The following C2orf92 variants were observed in gnomAD, a reference collection of about 807,000 sequenced individuals.
C2orf92 encodes the protein uncharacterized protein C2orf92.
upstream of C2orf92, chr2:97,666,761 T>C (rs1675243264): frequency 6.7e-6 from 1 of 149,266 alleles, no homozygotes; most frequent in African/African-American, 2.5e-5. Context: ...GAGGTTGGCT[T>C]GAGCCCGGGA....
At chr2:97,669,532 G>A, upstream of C2orf92, 1 of 355,656 alleles carries the variant, frequency 2.8e-6, no homozygotes, top group Non-Finnish European at 5.0e-6. Context: ...CTCAGGACAT[G>A]CAGGATGGAG....
upstream of C2orf92, chr2:97,665,918 C>T (rs1172287233): frequency 6.6e-6 from 1 of 151,728 alleles, no homozygotes; most frequent in Non-Finnish European, 1.5e-5. Flanking sequence ...GCTGGGACCA[C>T]AGGTGTGCAC....
chr2:97,667,430 GTTT>G (rs1203203673), upstream of C2orf92, among the ~76,000 whole-genome samples: 1 of 118,812 alleles, frequency 8.4e-6, no homozygotes, highest in Non-Finnish European at 1.8e-5. Flanking sequence ...GCCCAGCTAA[GTTT>G]TTTTTTTTTT....
intron 6 of C2orf92, 132 bp downstream of exon 6, chr2:97,699,268 T>C (rs891277918): frequency 3.6e-5 from 14 of 392,196 alleles, no homozygotes; most frequent in Non-Finnish European, 6.3e-5. Flanking sequence ...AAATCTGCAG[T>C]GAATACAACC....
intron 5 of C2orf92, chr2:97,691,046 G>T: frequency 6.6e-6 from 1 of 152,410 alleles, no homozygotes; most frequent in Non-Finnish European, 1.5e-5. Flanking sequence ...CAAAGTGCTG[G>T]GATTACAGGT....
At chr2:97,695,430 T>G (rs957689610) in intron 5 of C2orf92, among the ~76,000 whole-genome samples, 10 of 152,218 alleles carry the variant, frequency 6.6e-5, no homozygotes, top group African/African-American at 2.4e-4. Context: ...CTTGTGCTGG[T>G]TTTTTGCAAA....
intron 5 of C2orf92, among the ~76,000 whole-genome samples, chr2:97,693,693 C>T (rs1175841397): frequency 6.6e-6 from 1 of 152,032 alleles, no homozygotes; most frequent in Non-Finnish European, 1.5e-5. Flanking sequence ...TGGGCCTGGG[C>T]CCAGCTTTTT....
intron 5 of C2orf92, chr2:97,697,849 T>A (rs1458307848): frequency 1.3e-5 from 2 of 152,478 alleles, no homozygotes; most frequent in Middle Eastern, 3.4e-3. Flanking sequence ...TACCTCAGCC[T>A]TTCTAGTAGC....
upstream of C2orf92, chr2:97,666,990 T>A (rs1324795757): frequency 6.6e-6 from 1 of 152,160 alleles, no homozygotes; most frequent in Non-Finnish European, 1.5e-5. Context: ...AGGTGACCTC[T>A]ATCCTGAATT....
rs765934157 is a variant in C2orf92, at chr2:97,690,239, C to T, written c.332-17C>T. 2.5e-6 allele frequency: 1 copy of T among 398,724 alleles called. No individual in the cohort carries two copies. The allele number at this position is 398,724 out of a possible 1,614,324, so 24.7% of individuals were successfully genotyped here. The stretch of plus-strand genomic sequence containing the variant: ...ACCCTTTTTCTTATTGTTTTTTATT[C>T]ATGTGTCTTATCAAAGGAACCAGCA... On this transcript the variant is annotated splice_polypyrimidine_tract_variant and intron_variant, in intron 4 of 7. Transcript: ENST00000627399.
upstream of C2orf92, chr2:97,668,966 T>C (rs1675318393): frequency 1.3e-5 from 2 of 151,810 alleles, no homozygotes; most frequent in Non-Finnish European, 2.9e-5. Flanking sequence ...ATATAACTCT[T>C]TGTGCAAGTT....
At chr2:97,666,190 A>G (rs1167635479), upstream of C2orf92, among the ~76,000 whole-genome samples, 1 of 151,774 alleles carries the variant, frequency 6.6e-6, no homozygotes, top group Non-Finnish European at 1.5e-5. Flanking sequence ...TTTTAGCCAT[A>G]GCATCTTATG....
chr2:97,699,094 A>G lies in C2orf92; in HGVS notation c.472A>G (p.Thr158Ala). 2.5e-6 allele frequency: 1 copy of G among 398,648 alleles called. No homozygotes were observed. The highest frequency in any genetic ancestry group is 3.6e-5 in the East Asian group (1 of 28,074). 24.7% of individuals were successfully genotyped at this position (398,648 alleles called of 1,614,324 possible). Reference sequence around the variant, plus strand: ...CGACAGGGATTTAAGAGAGCAGTTAACTACTATAGATAAAGAAACACTTCA... The same window carrying G: ...CGACAGGGATTTAAGAGAGCAGTTAGCTACTATAGATAAAGAAACACTTCA... ...LFDRDLREQL[T>A]TIDKETLQGA... Residue 158 changes from threonine (T) to alanine (A), a missense_variant, in exon 6 of 8, where the codon ACT (threonine) becomes GCT (alanine). By Grantham distance (58) the Thr-to-Ala change is moderately conservative. Coordinates refer to ENST00000627399, the MANE Select transcript of C2orf92 (RefSeq NM_001351368.2).
At chr2:97,700,309 C>T (rs1422529624) in intron 6 of C2orf92, among the ~76,000 whole-genome samples, 2 of 152,166 alleles carry the variant, frequency 1.3e-5, no homozygotes, top group East Asian at 1.9e-4. Flanking sequence ...TCTCCCAAAC[C>T]TACACACACG....
intron 5 of C2orf92, chr2:97,691,212 T>C (rs2104584879): frequency 6.6e-6 from 1 of 152,454 alleles, no homozygotes; most frequent in Middle Eastern, 3.4e-3. Context: ...GCTTCTGTGA[T>C]ATGTACAGCA....
intron 3 of C2orf92, among the ~76,000 whole-genome samples, chr2:97,680,150 T>G (rs567548858): frequency 1.3e-5 from 2 of 151,554 alleles, no homozygotes; most frequent in Non-Finnish European, 2.9e-5. Context: ...AACACAAAAA[T>G]TAGCTGAGCG....
intron 2 of C2orf92, chr2:97,675,543 A>T (rs1324475728): frequency 3.4e-6 from 1 of 290,956 alleles, no homozygotes; most frequent in African/African-American, 2.2e-5. Flanking sequence ...GCCATACACC[A>T]TGTAGGCCTT....
chr2:97,674,318 T>C (rs1179223180), intron 1 of C2orf92, 138 bp from the exon 2 acceptor site: 1 of 395,756 alleles, frequency 2.5e-6, no homozygotes, highest in Non-Finnish European at 4.4e-6. Flanking sequence ...GGAGTTTCCT[T>C]CCCAAAGACA....
chr2:97,676,598 G>A (rs991779358), intron 3 of C2orf92, among the ~76,000 whole-genome samples: 3 of 151,140 alleles, frequency 2.0e-5, no homozygotes, highest in Admixed American at 6.6e-5. Flanking sequence ...CTAAAAAAAC[G>A]CCCCCCTCCC....
Sources: allele counts gnomAD v4.1 joint callset (sites outside exome capture counted in the v4.1 genomes callset), GRCh38; gene constraint gnomAD v4.1.1; transcripts MANE v1.5; gene names NCBI Gene and HGNC (gene_info 2026-07-23, HGNC 2026-07-21).